SYNCRIP: variants seen among roughly 807,000 people sequenced by gnomAD.
SYNCRIP encodes heterogeneous nuclear ribonucleoprotein Q.
Under a neutral mutation model 68.9 loss-of-function variants are expected in SYNCRIP, and 9 were observed. That is an observed-to-expected ratio of 0.13 (90% CI 0.08 to 0.23). The LOEUF (loss-of-function observed/expected upper bound fraction) is 0.23, where lower values mean the gene tolerates loss of function less well. Ranked by LOEUF, SYNCRIP falls within the 10% of genes least tolerant of loss-of-function variation. The pLI is 1.00. For missense variants in SYNCRIP, 414 were observed against 770.6 expected, an observed-to-expected ratio of 0.54 and a Z score of 5.48; for synonymous variants, 258 against 254.0, an observed-to-expected ratio of 1.02 and a Z score of -0.15.
At position 85,614,603 on chromosome 6, in the gene SYNCRIP, G is replaced by C. The variant is rs1166986555; in HGVS notation, c.*153C>G. On this transcript the variant is annotated 3_prime_UTR_variant, in exon 11 of 11. Transcript: ENST00000369622. ...ATCAGTTCGCCAGAAGCAGTTAGAA[G>C]TGTGGCTTTGTTCGTGTCCAAGCGG... The C allele has an allele frequency of 1.5e-6, 2 of 1,304,690 alleles. No individual in the cohort carries two copies. Among genetic ancestry groups the C allele is most frequent in the South Asian group, 2.6e-5 (1 of 38,184 alleles). The allele number at this position is 1,304,690 out of a possible 1,614,324, so 80.8% of individuals were successfully genotyped here.
intron 6 of SYNCRIP, among the ~76,000 whole-genome samples, chr6:85,628,873 C>T (rs1420918118): frequency 2.6e-5 from 4 of 152,226 alleles, no homozygotes; most frequent in Non-Finnish European, 5.9e-5. Flanking sequence ...CCAAACGTAT[C>T]ATGAACAGTC....
intron 10 of SYNCRIP, among the ~76,000 whole-genome samples, chr6:85,618,086 T>C (rs1805977741): frequency 6.6e-6 from 1 of 152,202 alleles, no homozygotes; most frequent in Non-Finnish European, 1.5e-5. Context: ...GGGGTGGCAA[T>C]GAGCACTACT....
chr6:85,628,627 C>G (rs926829352), intron 6 of SYNCRIP, among the ~76,000 whole-genome samples: 3 of 152,182 alleles, frequency 2.0e-5, no homozygotes, highest in Non-Finnish European at 4.4e-5. Flanking sequence ...TAAACTGGAG[C>G]TTATTACTAA....
In SYNCRIP at chr6:85,637,163, T is replaced by C. The variant is rs373794097; in HGVS notation, c.490-20A>G. ...AAATATCTGTAAATTAAATATTAAGTAAAAACCATGGAGAATTGCTTTAGG... is the reference window on the plus strand; with the variant it reads ...AAATATCTGTAAATTAAATATTAAGCAAAAACCATGGAGAATTGCTTTAGG... On this transcript the variant is annotated intron_variant, in intron 5 of 10. Coordinates refer to ENST00000369622, the MANE Select transcript of SYNCRIP (RefSeq NM_006372.5). 3 of 1,606,928 alleles carry C rather than the reference T, an allele frequency of 1.9e-6. No homozygotes were observed. The African/African-American group carries it at 4.0e-5, about 22-fold the overall frequency.
chr6:85,641,595 G>A, intron 1 of SYNCRIP, 144 bp from the exon 2 acceptor site: 2 of 750,904 alleles, frequency 2.7e-6, no homozygotes, highest in Non-Finnish European at 2.1e-6. Flanking sequence ...AGTCACTATC[G>A]CCTGACAAGC....
rs1583312665 is a variant in SYNCRIP at position 85,637,426 on chromosome 6, T to G, written c.376-70A>C. The G allele has an allele frequency of 4.2e-6, 4 of 963,348 alleles. No individual in the cohort carries two copies. The East Asian group carries it at 9.7e-5, about 23-fold the overall frequency. 59.7% of individuals were successfully genotyped at this position (963,348 alleles called of 1,614,324 possible). A position where few individuals can be genotyped will look rare whatever the true frequency, so the allele number is the denominator to read the frequency against. On this transcript the variant is annotated intron_variant, in intron 4 of 10. Coordinates refer to ENST00000369622, the MANE Select transcript of SYNCRIP (RefSeq NM_006372.5). ...ACACCCATATATTTAGCAGTTAACA[T>G]CCATCTTGCTCAAATCTTTCCAATT...
At chr6:85,626,853 G>C (rs1437812592) in intron 6 of SYNCRIP, among the ~76,000 whole-genome samples, 1 of 152,138 alleles carries the variant, frequency 6.6e-6, no homozygotes, top group Admixed American at 6.5e-5. Context: ...AGTTAGCCAA[G>C]GCATGGTAGG....
In SYNCRIP at chr6:85,614,676, T is replaced by C. The variant is rs1262653495; in HGVS notation, c.*80A>G. On this transcript the variant is annotated 3_prime_UTR_variant, in exon 11 of 11. Coordinates refer to ENST00000369622, the MANE Select transcript of SYNCRIP (RefSeq NM_006372.5). ...GGGAAATCTTGCCAGATGTCACAAA[T>C]TATAGCGGCACCCGTTCAGATTTAG... is the stretch of plus-strand genomic sequence containing the variant. 7.5e-6 allele frequency: 11 copies of C among 1,465,436 alleles called. No homozygotes were observed. The East Asian group carries it at 2.4e-4, about 32-fold the overall frequency. The allele number at this position is 1,465,436 out of a possible 1,614,324, so 90.8% of individuals were successfully genotyped here. A position where few individuals can be genotyped will look rare whatever the true frequency, so the allele number is the denominator to read the frequency against.
chr6:85,614,293 A>G lies in SYNCRIP; in HGVS notation c.*463T>C. Reference sequence around the variant, plus strand: ...TAGCCAAAATGGTTTTGAAAACCCAAATTAGGTCAAAGTTCTAAATTAAAA... The same window carrying G: ...TAGCCAAAATGGTTTTGAAAACCCAGATTAGGTCAAAGTTCTAAATTAAAA... On this transcript the variant is annotated 3_prime_UTR_variant, in exon 11 of 11. Coordinates refer to ENST00000369622, the MANE Select transcript of SYNCRIP (RefSeq NM_006372.5). 1 of 986,186 alleles carries G rather than the reference A, an allele frequency of 1.0e-6. No homozygotes were observed. The highest frequency in any genetic ancestry group is 4.7e-5 in the South Asian group (1 of 21,286). The allele number at this position is 986,186 out of a possible 1,614,324, so 61.1% of individuals were successfully genotyped here. A position where few individuals can be genotyped will look rare whatever the true frequency, so the allele number is the denominator to read the frequency against.
chr6:85,625,178 C>T (rs995525234), intron 6 of SYNCRIP, among the ~76,000 whole-genome samples: 1 of 152,096 alleles, frequency 6.6e-6, no homozygotes, highest in Admixed American at 6.5e-5. Flanking sequence ...TACCATACCT[C>T]CAGTTCAGAA....
At chr6:85,628,285 G>A (rs2128291655) in intron 6 of SYNCRIP, among the ~76,000 whole-genome samples, 1 of 152,166 alleles carries the variant, frequency 6.6e-6, no homozygotes, top group East Asian at 1.9e-4. Context: ...CGAACTCCTG[G>A]CCTCGGGTGA....
chr6:85,640,107 T>C, intron 4 of SYNCRIP, 114 bp downstream of exon 4: 1 of 729,772 alleles, frequency 1.4e-6, no homozygotes, highest in South Asian at 1.8e-5. Context: ...TAGGAAAGAT[T>C]GATGAATTAT....
intron 1 of SYNCRIP, among the ~76,000 whole-genome samples, chr6:85,642,175 G>A (rs554878753): frequency 1.1e-4 from 16 of 152,206 alleles, no homozygotes; most frequent in Admixed American, 3.9e-4. Flanking sequence ...CCTGAACACC[G>A]AGGCACCGGC....
intron 8 of SYNCRIP, among the ~76,000 whole-genome samples, chr6:85,620,051 A>G (rs1194171235): frequency 6.6e-6 from 1 of 152,204 alleles, no homozygotes; most frequent in Non-Finnish European, 1.5e-5. Flanking sequence ...GCTCGAGACC[A>G]GCCTGGCCAA....
At chr6:85,612,693 T>C (rs547915210), downstream of SYNCRIP, 67 of 492,318 alleles carry the variant, frequency 1.4e-4, no homozygotes, top group African/African-American at 2.2e-4. Context: ...GCAGAGAAAA[T>C]TGTTAAAGAA....
chr6:85,633,375 G>A (rs1808055791), intron 6 of SYNCRIP, among the ~76,000 whole-genome samples: 1 of 152,132 alleles, frequency 6.6e-6, no homozygotes, highest in Non-Finnish European at 1.5e-5. Context: ...GGCCGAGACT[G>A]GGGTCAGGAG....
rs148738368 is a variant in SYNCRIP, at chr6:85,616,767, T to C, written c.1281-1420A>G. ...CTGCTGGTTTATTGTTTTGAGGAAA[T>C]GATGGAAAGATCATCCTTTTCTATT... On this transcript the variant is annotated intron_variant, in intron 10 of 10. Transcript: ENST00000369622. Among the ~76,000 whole-genome samples the C allele has an allele frequency of 1.8e-4, 27 of 152,330 alleles. No homozygotes were observed. The East Asian group carries it at 3.3e-3, about 18-fold the overall frequency.
chr6:85,618,127 T>C (rs747022251), intron 10 of SYNCRIP, among the ~76,000 whole-genome samples: 5 of 152,136 alleles, frequency 3.3e-5, no homozygotes, highest in Admixed American at 6.5e-5. Context: ...TGAATAGAGA[T>C]TTAGTATTTC....
At chr6:85,636,857 TA>T in intron 6 of SYNCRIP, 109 bp downstream of exon 6, 2 of 1,094,556 alleles carry the variant, frequency 1.8e-6, no homozygotes, top group Non-Finnish European at 2.6e-6. Flanking sequence ...AAAACCTGCC[TA>T]AATCAGTACT....
Sources: allele counts gnomAD v4.1 joint callset (sites outside exome capture counted in the v4.1 genomes callset), GRCh38; gene constraint gnomAD v4.1.1; transcripts MANE v1.5; gene names NCBI Gene and HGNC (gene_info 2026-07-23, HGNC 2026-07-21).